RTL9: variants seen among roughly 807,000 people sequenced by gnomAD.
RTL9 encodes retrotransposon Gag-like protein 9.
A neutral mutation model predicts 44.7 loss-of-function variants in RTL9; 19 were observed. The observed-to-expected ratio is 0.42, with a 90% CI of 0.30 to 0.62. RTL9 has a LOEUF of 0.62. RTL9 is among the 20% of genes least tolerant of loss of function. RTL9 has a pLI of 0.16. For missense variants in RTL9, 1,105 were observed against 1,080.6 expected, an observed-to-expected ratio of 1.02 and a Z score of -0.32; for synonymous variants, 407 against 398.9, an observed-to-expected ratio of 1.02 and a Z score of -0.24.
At chrX:110,415,496 A>C (rs1045947806), upstream of RTL9, among the ~76,000 whole-genome samples, 17 of 111,381 alleles carry the variant, frequency 1.5e-4, no homozygotes, top group African/African-American at 4.9e-4. Context: ...ACATTGTAGA[A>C]ATGGAATTTG....
intron 1 of RTL9, among the ~76,000 whole-genome samples, chrX:110,399,362 G>C (rs930254353): frequency 6.2e-5 from 7 of 112,284 alleles, no homozygotes; most frequent in Non-Finnish European, 9.4e-5. Flanking sequence ...TTAAACCTAC[G>C]CTGGTCTGGC....
intron 1 of RTL9, among the ~76,000 whole-genome samples, chrX:110,420,261 C>A (rs1049474378): frequency 8.9e-6 from 1 of 112,265 alleles, no homozygotes; most frequent in Non-Finnish European, 1.9e-5. Context: ...GGATCTTATT[C>A]ATTTTTGCTT....
In RTL9 at chrX:110,359,444, A is replaced by T. The variant is rs766766828; in HGVS notation, c.-168+528A>T. Among the ~76,000 whole-genome samples, 26 of 110,802 alleles carry T rather than the reference A, an allele frequency of 2.3e-4. No homozygotes were observed. In the South Asian group the frequency reaches 5.8e-3, roughly 25 times the overall value. On this transcript the variant is annotated intron_variant, in intron 1 of 2. Coordinates refer to the RTL9 transcript ENST00000520821. ...TTTTTTCCATAAATTATCCCATCTC[A>T]ACTTGGGAAGTCACAATGGGAAGTA...
intron 1 of RTL9, among the ~76,000 whole-genome samples, chrX:110,408,483 T>C (rs1169115515): frequency 1.8e-5 from 2 of 112,673 alleles, no homozygotes; most frequent in East Asian, 5.5e-4. Context: ...TGGACTTCCA[T>C]GGAGCTGAAA....
rs749891722 is a variant in RTL9 at position 110,387,481 on chromosome X, C to T, written c.-168+28565C>T. On this transcript the variant is annotated intron_variant, in intron 1 of 2. Coordinates refer to the RTL9 transcript ENST00000520821. ...CTCTGGGACCATGGCCAATGGCAAC[C>T]CTGCTTGCACATGCAGAATTCAGTT... is the stretch of plus-strand genomic sequence containing the variant. Among the ~76,000 whole-genome samples the T allele has an allele frequency of 2.7e-5, 3 of 112,426 alleles. No homozygotes were observed. The South Asian group carries it at 1.1e-3, about 42-fold the overall frequency.
At chrX:110,403,473 C>T (rs144244010) in intron 1 of RTL9, among the ~76,000 whole-genome samples, 7 of 111,398 alleles carry the variant, frequency 6.3e-5, no homozygotes, top group East Asian at 5.7e-4. Flanking sequence ...CACACGCATG[C>T]GCGCACACAC....
At chrX:110,374,374 A>G (rs2148266196) in intron 1 of RTL9, among the ~76,000 whole-genome samples, 1 of 112,367 alleles carries the variant, frequency 8.9e-6, no homozygotes, top group East Asian at 2.8e-4. Flanking sequence ...GAGTGAGTGA[A>G]TTAATGAGTC....
chrX:110,456,285 T>G (rs1410428055), exon 2 of RTL9: 1 of 113,035 alleles, frequency 8.8e-6, no homozygotes, highest in Non-Finnish European at 1.9e-5. Flanking sequence ...AGTAAGCATG[T>G]GTTACATTTG....
At chrX:110,419,045 T>C (rs975661659), upstream of RTL9, 1 of 111,605 alleles carries the variant, frequency 9.0e-6, no homozygotes, top group Admixed American at 9.5e-5. Context: ...GAAATCTCAG[T>C]CCGATTTGGA....
intron 1 of RTL9, among the ~76,000 whole-genome samples, chrX:110,443,881 G>A (rs994587782): frequency 8.9e-6 from 1 of 112,179 alleles, no homozygotes; most frequent in Non-Finnish European, 1.9e-5. Flanking sequence ...GATCATAGAG[G>A]TTCTTCTCAG....
At chrX:110,379,894 T>C (rs980919636) in intron 1 of RTL9, among the ~76,000 whole-genome samples, 9 of 111,840 alleles carry the variant, frequency 8.0e-5, no homozygotes, top group African/African-American at 2.9e-4. Context: ...TGTAGATGTA[T>C]CTATATATAT....
chrX:110,414,886 C>G (rs1225318342), upstream of RTL9, among the ~76,000 whole-genome samples: 1 of 112,396 alleles, frequency 8.9e-6, no homozygotes, highest in Non-Finnish European at 1.9e-5. Flanking sequence ...TCCACTACCA[C>G]TTGCCCATGC....
At chrX:110,378,395 C>T (rs896415568) in intron 1 of RTL9, among the ~76,000 whole-genome samples, 1 of 111,590 alleles carries the variant, frequency 9.0e-6, no homozygotes, top group Non-Finnish European at 1.9e-5. Context: ...CATCCAATCT[C>T]CCCATATCCA....
rs768979879 is a variant in RTL9 at position 110,451,646 on chromosome X, T to G, written c.1029T>G (p.Ala343=). Residue 343 remains alanine (A), a synonymous_variant, in exon 1 of 2, where the codon GCT becomes GCG. Coordinates refer to ENST00000540313, the Ensembl canonical transcript of RTL9. The stretch of plus-strand genomic sequence containing the variant: ...CATTACCAAAGCCAGCTCCAGATGC[T>G]GAAGCAATGTCCCCAGCACTAATGA... 5.0e-6 allele frequency: 6 copies of G among 1,211,913 alleles called. No individual in the cohort carries two copies. The East Asian group carries it at 1.2e-4, about 24-fold the overall frequency.
At chrX:110,407,791 C>T (rs1168649554) in intron 1 of RTL9, among the ~76,000 whole-genome samples, 4 of 112,457 alleles carry the variant, frequency 3.6e-5, no homozygotes, top group Non-Finnish European at 7.5e-5. Context: ...GAAGGTCTGA[C>T]TCTCATTTTC....
At chrX:110,454,543 G>C (rs758216037) in exon 1 of RTL9, 3 of 1,211,944 alleles carry the variant, frequency 2.5e-6, no homozygotes, top group South Asian at 1.8e-5. Context: ...TACACCGAGT[G>C]CCAGCTGGCT....
chrX:110,414,193 C>A (rs1332794403), upstream of RTL9, among the ~76,000 whole-genome samples: 1 of 112,476 alleles, frequency 8.9e-6, no homozygotes, highest in Non-Finnish European at 1.9e-5. Flanking sequence ...TGGAGAAAAT[C>A]CCATCACTTT....
chrX:110,389,009 A>T (rs1286542031), intron 1 of RTL9, among the ~76,000 whole-genome samples: 1 of 112,207 alleles, frequency 8.9e-6, no homozygotes, highest in Non-Finnish European at 1.9e-5. Context: ...TTCCTGATTC[A>T]TTTTACTAGT....
At chrX:110,360,921 C>T (rs962363565) in intron 1 of RTL9, among the ~76,000 whole-genome samples, 1 of 111,568 alleles carries the variant, frequency 9.0e-6, no homozygotes, top group African/African-American at 3.3e-5. Context: ...GGCTTGAAGC[C>T]TAAGATATCT....
Sources: gnomAD v4.1 joint callset for allele counts (sites outside exome capture counted in the v4.1 genomes callset) on GRCh38, gnomAD v4.1.1 for gene constraint, MANE v1.5 for transcripts, NCBI Gene and HGNC (gene_info 2026-07-23, HGNC 2026-07-21) for gene names.